The following PRR27 variants were observed in gnomAD, a reference collection of about 807,000 sequenced individuals.
The protein encoded by PRR27 is proline-rich protein 27.
In PRR27, 12 loss-of-function variants were observed where a neutral mutation model predicts 16.8. The observed-to-expected ratio is 0.71, with a 90% CI of 0.46 to 1.16. PRR27 has a LOEUF of 1.16. PRR27 is among the 50% of genes most tolerant of loss of function. The pLI, the probability that PRR27 is intolerant of heterozygous loss-of-function variation, is 0.00. For missense variants in PRR27, 277 were observed against 273.3 expected, an observed-to-expected ratio of 1.01 and a Z score of -0.10; for synonymous variants, 100 against 98.4, an observed-to-expected ratio of 1.02 and a Z score of -0.10.
At position 70,163,857 on chromosome 4, in the gene PRR27, T is replaced by G. The variant is rs1728701121; in HGVS notation, c.*1196T>G. The G allele has an allele frequency of 6.6e-6, 1 of 151,664 alleles. No homozygotes were observed. The highest frequency in any genetic ancestry group is 2.1e-4 in the South Asian group (1 of 4,812). The allele number at this position is 151,664 out of a possible 1,614,324, so 9.4% of individuals were successfully genotyped here. On this transcript the variant is annotated 3_prime_UTR_variant, in exon 5 of 5. Transcript: ENST00000344526. ...TAACTTCATTCCCTATCATTCTCCATCTTGCCCCATGCTCCTCATGCAGCA... is the reference window on the plus strand; with the variant it reads ...TAACTTCATTCCCTATCATTCTCCAGCTTGCCCCATGCTCCTCATGCAGCA...
In PRR27 at chr4:70,158,538, G is replaced by C; in HGVS notation, c.286G>C (p.Ala96Pro). 2 of 1,614,100 alleles carry C rather than the reference G, an allele frequency of 1.2e-6. No individual in the cohort carries two copies. The highest frequency in any genetic ancestry group is 1.7e-6 in the Non-Finnish European group (2 of 1,180,004). ...YVYHIRGFPL[A>P]TQLNVPPLPP... ...CTATCACATCCGTGGTTTTCCCTTA[G>C]CTACTCAGTTGAATGTTCCTCCTCT... Residue 96 changes from alanine (A) to proline (P), a missense_variant, in exon 3 of 5, where the codon GCT becomes CCT. Coordinates refer to ENST00000344526, the MANE Select transcript of PRR27 (RefSeq NM_214711.4).
intron 3 of PRR27, among the ~76,000 whole-genome samples, chr4:70,161,156 G>A (rs1421037886): frequency 4.3e-5 from 4 of 93,906 alleles, no homozygotes; most frequent in Non-Finnish European, 7.7e-5. Flanking sequence ...TATGAACACT[G>A]TATATATATA....
chr4:70,155,468 C>T (rs1260473340), intron 1 of PRR27, among the ~76,000 whole-genome samples: 3 of 151,904 alleles, frequency 2.0e-5, no homozygotes, highest in Admixed American at 6.6e-5. Flanking sequence ...GGGTTCACGC[C>T]ATTCTCCTGC....
At chr4:70,159,705 A>G (rs2109792703) in intron 3 of PRR27, among the ~76,000 whole-genome samples, 1 of 152,288 alleles carries the variant, frequency 6.6e-6, no homozygotes, top group South Asian at 2.1e-4. Flanking sequence ...ATGGACATAC[A>G]TGTTCATGAG....
intron 3 of PRR27, among the ~76,000 whole-genome samples, chr4:70,161,156 GTATATATATATA>G (rs371303125): frequency 7.5e-5 from 7 of 93,910 alleles, no homozygotes; most frequent in South Asian, 3.8e-4. Flanking sequence ...TATGAACACT[GTATATATATATA>G]TATATATATA....
intron 3 of PRR27, 75 bp downstream of exon 3, chr4:70,158,975 C>T: frequency 2.2e-6 from 3 of 1,333,682 alleles, no homozygotes; most frequent in Non-Finnish European, 3.1e-6. Context: ...AAAACCACTC[C>T]CCAAGCAAAT....
chr4:70,154,604 T>G lies in PRR27; in HGVS notation c.51+178T>G, dbSNP rs1728435089. 23 of 833,090 alleles carry G rather than the reference T, an allele frequency of 2.8e-5. No individual in the cohort carries two copies. The South Asian group carries it at 3.6e-4, about 13-fold the overall frequency. 51.6% of individuals were successfully genotyped at this position (833,090 alleles called of 1,614,324 possible). On this transcript the variant is annotated intron_variant, in intron 1 of 4. Coordinates refer to ENST00000344526, the MANE Select transcript of PRR27 (RefSeq NM_214711.4). ...ACGGAAAATTTAAAAATCAAAATAA[T>G]AAAGTTGTAGTATCTGAAAATAGAT...
rs1728681197 is a variant in PRR27, at chr4:70,163,027, T to G, written c.*366T>G. On this transcript the variant is annotated 3_prime_UTR_variant, in exon 5 of 5. Transcript: ENST00000344526. ...AGGTTTTTTCCTAAACAAACATATTTTGTAGTCAATGAACTTTTTGTCACA... is the reference window on the plus strand; with the variant it reads ...AGGTTTTTTCCTAAACAAACATATTGTGTAGTCAATGAACTTTTTGTCACA... 6.6e-6 allele frequency: 1 copy of G among 152,164 alleles called. No homozygotes were observed. Among genetic ancestry groups the G allele is most frequent in the African/African-American group, 2.4e-5 (1 of 41,420 alleles). 9.4% of individuals were successfully genotyped at this position (152,164 alleles called of 1,614,324 possible).
chr4:70,155,939 A>G (rs950817646), intron 1 of PRR27, 115 bp from the exon 2 acceptor site: 4 of 650,930 alleles, frequency 6.1e-6, no homozygotes, highest in Middle Eastern at 4.0e-4. Context: ...TCAAATTTCA[A>G]AAAAATTAAC....
chr4:70,158,734 AGGC>A lies in PRR27; in HGVS notation c.483_485del (p.Ala162del). On this transcript the variant is annotated inframe_deletion, in exon 3 of 5. Coordinates refer to ENST00000344526, the MANE Select transcript of PRR27 (RefSeq NM_214711.4). ...CCTGTTGCAGCTGAGCCTGCTGCAG[AGGC>A]ACCTGTTGGAGCTGAGCCTGCTGCA... The A allele has an allele frequency of 1.9e-6, 3 of 1,576,696 alleles. No individual in the cohort carries two copies. Among genetic ancestry groups the A allele is most frequent in the Non-Finnish European group, 1.7e-6 (2 of 1,152,178 alleles).
chr4:70,157,303 G>C (rs536509038), intron 2 of PRR27, among the ~76,000 whole-genome samples: 7 of 152,108 alleles, frequency 4.6e-5, no homozygotes, highest in African/African-American at 1.7e-4. Context: ...CCCTAGCACA[G>C]AGATGGCACA....
At chr4:70,157,357 T>C (rs1000654272) in intron 2 of PRR27, among the ~76,000 whole-genome samples, 1 of 151,422 alleles carries the variant, frequency 6.6e-6, no homozygotes, top group Non-Finnish European at 1.5e-5. Context: ...ATCACAGAAC[T>C]TCCATCAAGA....
chr4:70,154,596 C>A, intron 1 of PRR27, 170 bp downstream of exon 1: 1 of 826,842 alleles, frequency 1.2e-6, no homozygotes, highest in South Asian at 1.6e-5. Context: ...ATTTAAAAAT[C>A]AAAATAATAA....
At chr4:70,161,201 C>A (rs1829653) in intron 3 of PRR27, among the ~76,000 whole-genome samples, 20,551 of 62,588 alleles carry the variant, frequency 0.33, 2,117 homozygotes, top group East Asian at 0.59. Flanking sequence ...TATATATACA[C>A]GTATACATAT....
chr4:70,159,997 T>C (rs760895913), intron 3 of PRR27, among the ~76,000 whole-genome samples: 18 of 151,404 alleles, frequency 1.2e-4, no homozygotes, highest in African/African-American at 3.6e-4. Context: ...AATTAATCAA[T>C]ACTCATTGAA....
In PRR27 at chr4:70,154,257, TA is replaced by T. The variant is rs1728425945; in HGVS notation, c.-113del. Reference sequence around the variant, plus strand: ...CTGTTAAGGGTCTTCCTAGACAGACTAAAAAAGCCATGTATTCTTTCGTTTC... The same window carrying T: ...CTGTTAAGGGTCTTCCTAGACAGACTAAAAAGCCATGTATTCTTTCGTTTC... On this transcript the variant is annotated 5_prime_UTR_variant, in exon 1 of 5. Transcript: ENST00000344526. The T allele has an allele frequency of 1.2e-6, 1 of 832,028 alleles. No individual in the cohort carries two copies. Among genetic ancestry groups the T allele is most frequent in the Non-Finnish European group, 1.9e-6 (1 of 520,182 alleles). The allele number at this position is 832,028 out of a possible 1,614,324, so 51.5% of individuals were successfully genotyped here. A position where few individuals can be genotyped will look rare whatever the true frequency, so the allele number is the denominator to read the frequency against.
intron 1 of PRR27, among the ~76,000 whole-genome samples, chr4:70,155,202 T>G (rs540781827): frequency 1.6e-4 from 25 of 152,176 alleles, no homozygotes; most frequent in Admixed American, 1.5e-3. Context: ...ATTCTTAAAA[T>G]AATAAGTGAT....
At chr4:70,161,535 T>G (rs1240899272) in intron 3 of PRR27, 51 bp from the exon 4 acceptor site, 1 of 1,233,900 alleles carries the variant, frequency 8.1e-7, no homozygotes, top group East Asian at 2.4e-5. Context: ...TACTATGAAA[T>G]AAAGTACATT....
At chr4:70,154,952 T>C (rs900895124) in intron 1 of PRR27, among the ~76,000 whole-genome samples, 2 of 152,182 alleles carry the variant, frequency 1.3e-5, no homozygotes, top group Non-Finnish European at 2.9e-5. Context: ...AAATTCTTAA[T>C]CCTAGCCAGT....
Sources: allele counts gnomAD v4.1 joint callset (sites outside exome capture counted in the v4.1 genomes callset), GRCh38; gene constraint gnomAD v4.1.1; transcripts MANE v1.5; gene names NCBI Gene and HGNC (gene_info 2026-07-23, HGNC 2026-07-21).